Variants in ARHGAP24 observed in about 807,000 individuals in gnomAD.
ARHGAP24 encodes rho GTPase-activating protein 24.
Under a neutral mutation model 76.4 loss-of-function variants are expected in ARHGAP24, and 50 were observed. The observed-to-expected ratio is 0.65, with a 90% CI of 0.52 to 0.83. The LOEUF (loss-of-function observed/expected upper bound fraction) is 0.83, where lower values mean the gene tolerates loss of function less well. ARHGAP24 is among the 40% of genes least tolerant of loss of function. ARHGAP24 has a pLI of 0.00. For synonymous variants in ARHGAP24, 345 were observed against 323.3 expected, an observed-to-expected ratio of 1.07 and a Z score of -0.72; for missense variants, 930 against 914.2, an observed-to-expected ratio of 1.02 and a Z score of -0.22.
intron 2 of ARHGAP24, among the ~76,000 whole-genome samples, chr4:85,657,813 G>A (rs993813873): frequency 2.0e-4 from 31 of 152,158 alleles, no homozygotes; most frequent in Admixed American, 1.6e-3. Context: ...GGAGTGCAGC[G>A]GCACTATCTC....
intron 3 of ARHGAP24, among the ~76,000 whole-genome samples, chr4:85,755,230 T>G (rs1274297315): frequency 6.6e-6 from 1 of 152,290 alleles, no homozygotes; most frequent in African/African-American, 2.4e-5. Context: ...TTATTTACCA[T>G]CCCAGTGTAC....
intron 3 of ARHGAP24, among the ~76,000 whole-genome samples, chr4:85,908,510 A>G (rs1479606757): frequency 6.6e-6 from 1 of 152,236 alleles, no homozygotes; most frequent in Non-Finnish European, 1.5e-5. Flanking sequence ...GAATGAGGAG[A>G]ATGTTGTAAT....
At chr4:85,619,448 G>A (rs1312872839) in intron 2 of ARHGAP24, among the ~76,000 whole-genome samples, 2 of 151,434 alleles carry the variant, frequency 1.3e-5, no homozygotes, top group African/African-American at 2.4e-5. Flanking sequence ...GGCTATTTGG[G>A]GTCTTCTATT....
At chr4:85,898,291 A>G (rs780890507) in intron 3 of ARHGAP24, among the ~76,000 whole-genome samples, 7 of 152,092 alleles carry the variant, frequency 4.6e-5, no homozygotes, top group Non-Finnish European at 8.8e-5. Flanking sequence ...GGTAAGCTGA[A>G]AGGAGTTTCA....
At chr4:85,835,395 A>G (rs1730210347) in intron 3 of ARHGAP24, among the ~76,000 whole-genome samples, 1 of 151,766 alleles carries the variant, frequency 6.6e-6, no homozygotes. Context: ...CCGCGTCTCT[A>G]CTAAAAATAC....
intron 2 of ARHGAP24, among the ~76,000 whole-genome samples, chr4:85,667,591 C>T (rs983880405): frequency 3.9e-5 from 6 of 152,206 alleles, no homozygotes; most frequent in African/African-American, 9.7e-5. Context: ...TCTTCTGCGT[C>T]GCTCACGCTG....
At chr4:85,834,015 G>A (rs555438360) in intron 3 of ARHGAP24, among the ~76,000 whole-genome samples, 4 of 152,260 alleles carry the variant, frequency 2.6e-5, no homozygotes, top group South Asian at 2.1e-4. Context: ...CACATATTAC[G>A]AAGTTTAGCT....
At chr4:85,851,465 T>G (rs1271287786) in intron 3 of ARHGAP24, among the ~76,000 whole-genome samples, 1 of 152,208 alleles carries the variant, frequency 6.6e-6, no homozygotes, top group African/African-American at 2.4e-5. Flanking sequence ...GTTAATATTG[T>G]TATGTGTGAA....
intron 2 of ARHGAP24, among the ~76,000 whole-genome samples, chr4:85,658,590 A>G (rs1390322007): frequency 6.6e-6 from 1 of 152,234 alleles, no homozygotes; most frequent in African/African-American, 2.4e-5. Flanking sequence ...ATCTGAATGT[A>G]AAAGTATCTT....
intron 3 of ARHGAP24, among the ~76,000 whole-genome samples, chr4:85,728,419 TC>T (rs1275482363): frequency 6.6e-6 from 1 of 152,170 alleles, no homozygotes; most frequent in East Asian, 1.9e-4. Flanking sequence ...TTTTAGCTAA[TC>T]TGTCTATGTT....
chr4:85,801,517 A>C (rs1029330207), intron 3 of ARHGAP24, among the ~76,000 whole-genome samples: 2 of 152,236 alleles, frequency 1.3e-5, no homozygotes, highest in Non-Finnish European at 2.9e-5. Context: ...AAAAATTGAA[A>C]TATGTATATT....
At chr4:85,912,403 C>T (rs1281227368) in intron 3 of ARHGAP24, among the ~76,000 whole-genome samples, 1 of 152,092 alleles carries the variant, frequency 6.6e-6, no homozygotes, top group Non-Finnish European at 1.5e-5. Context: ...AGAAAAAGCA[C>T]AATGGACGGT....
chr4:85,743,159 T>C (rs1725887132), intron 3 of ARHGAP24, among the ~76,000 whole-genome samples: 1 of 151,718 alleles, frequency 6.6e-6, no homozygotes, highest in Non-Finnish European at 1.5e-5. Context: ...TGTCAAATTA[T>C]CATATAATTC....
intron 3 of ARHGAP24, among the ~76,000 whole-genome samples, chr4:85,750,192 T>C (rs1453153641): frequency 6.6e-6 from 1 of 152,154 alleles, no homozygotes; most frequent in African/African-American, 2.4e-5. Context: ...TAAGTGTCAG[T>C]TAGTGATAAG....
intron 5 of ARHGAP24, among the ~76,000 whole-genome samples, chr4:85,970,038 A>G (rs529743531): frequency 9.6e-4 from 146 of 152,326 alleles, no homozygotes; most frequent in Admixed American, 1.2e-3. Flanking sequence ...TAACATCTAT[A>G]AAACAGTTGA....
chr4:85,687,778 C>T (rs1359308388), intron 2 of ARHGAP24, among the ~76,000 whole-genome samples: 1 of 151,622 alleles, frequency 6.6e-6, no homozygotes, highest in African/African-American at 2.4e-5. Context: ...GGGTATATGC[C>T]CAGTAATGGA....
At chr4:85,528,696 A>G (rs966283347) in intron 1 of ARHGAP24, among the ~76,000 whole-genome samples, 1 of 152,060 alleles carries the variant, frequency 6.6e-6, no homozygotes, top group Non-Finnish European at 1.5e-5. Context: ...TAAAGTTCAA[A>G]CAGATTAATA....
chr4:85,958,991 G>A (rs1738085198), intron 5 of ARHGAP24, among the ~76,000 whole-genome samples: 1 of 152,146 alleles, frequency 6.6e-6, no homozygotes, highest in African/African-American at 2.4e-5. Context: ...GGTCCAGAGG[G>A]TTCTTGGATC....
chr4:85,805,920 A>G (rs556158487), intron 3 of ARHGAP24, among the ~76,000 whole-genome samples: 4 of 152,104 alleles, frequency 2.6e-5, no homozygotes, highest in Non-Finnish European at 4.4e-5. Context: ...GTACATAATC[A>G]CAGAATTTTG....
Sources: allele counts gnomAD v4.1 joint callset (sites outside exome capture counted in the v4.1 genomes callset), GRCh38; gene constraint gnomAD v4.1.1; transcripts MANE v1.5; gene names NCBI Gene and HGNC (gene_info 2026-07-23, HGNC 2026-07-21).